Variants in AFAP1 observed in about 807,000 individuals in gnomAD.
AFAP1 encodes the protein actin filament associated protein 1.
A neutral mutation model predicts 93.9 loss-of-function variants in AFAP1; 75 were observed. That is an observed-to-expected ratio of 0.80 (90% CI 0.66 to 0.97). AFAP1 has a LOEUF of 0.97. Ranked by LOEUF, AFAP1 falls within the 50% of genes least tolerant of loss-of-function variation. The pLI is 0.00. For synonymous variants in AFAP1, 517 were observed against 430.7 expected, an observed-to-expected ratio of 1.20 and a Z score of -2.48; for missense variants, 1,201 against 1,050.8, an observed-to-expected ratio of 1.14 and a Z score of -1.98.
intron 1 of AFAP1, among the ~76,000 whole-genome samples, chr4:7,903,524 C>A (rs1719230773): frequency 6.6e-6 from 1 of 152,062 alleles, no homozygotes; most frequent in Non-Finnish European, 1.5e-5. Context: ...ACTAAAAATA[C>A]AAAAATTAGC....
In AFAP1 at chr4:7,873,240, C is replaced by G. The variant is rs575985131; in HGVS notation, c.-2-1160G>C. Among the ~76,000 whole-genome samples, 380 of 56,216 alleles carry G rather than the reference C, an allele frequency of 6.8e-3. 6 individuals are homozygous for G. The highest frequency in any genetic ancestry group is 0.021 in the African/African-American group (356 of 16,602). 36.9% of individuals were successfully genotyped at this position (56,216 alleles called of 152,430 possible). A position where few individuals can be genotyped will look rare whatever the true frequency, so the allele number is the denominator to read the frequency against. ...CCTGGGCGACAGTGGGAGACTCTGT[C>G]TCAAAAAAAAAAAAAAAAAAACCCC... On this transcript the variant is annotated intron_variant, in intron 1 of 17. Coordinates refer to ENST00000420658, the MANE Select transcript of AFAP1 (RefSeq NM_001134647.2).
intron 14 of AFAP1, 189 bp from the exon 15 acceptor site, chr4:7,775,092 G>T: frequency 1.6e-6 from 1 of 638,064 alleles, no homozygotes; most frequent in Non-Finnish European, 2.6e-6. Context: ...AGTGAGCTGT[G>T]ATCCTGCCAC....
chr4:7,841,630 A>G (rs1201069847), intron 5 of AFAP1, among the ~76,000 whole-genome samples: 1 of 152,166 alleles, frequency 6.6e-6, no homozygotes, highest in Non-Finnish European at 1.5e-5. Flanking sequence ...ATCACTGTTC[A>G]TTATTTTTTA....
intron 6 of AFAP1, among the ~76,000 whole-genome samples, chr4:7,827,900 G>C (rs1721573341): frequency 1.3e-5 from 2 of 152,138 alleles, no homozygotes; most frequent in South Asian, 4.1e-4. Flanking sequence ...TCCGAGAGTT[G>C]ACTTCCAGAA....
At chr4:7,938,594 C>G (rs1257616522) in intron 1 of AFAP1, among the ~76,000 whole-genome samples, 1 of 152,174 alleles carries the variant, frequency 6.6e-6, no homozygotes, top group African/African-American at 2.4e-5. Flanking sequence ...AATCTGACCT[C>G]TAACTGTAAC....
At chr4:7,773,864 G>C (rs1024836339) in intron 15 of AFAP1, 3 of 152,432 alleles carry the variant, frequency 2.0e-5, no homozygotes, top group African/African-American at 7.2e-5. Flanking sequence ...AGATCATTGA[G>C]GCACAAAGTC....
intron 1 of AFAP1, among the ~76,000 whole-genome samples, chr4:7,891,414 G>T (rs950530933): frequency 6.6e-6 from 1 of 152,142 alleles, no homozygotes; most frequent in African/African-American, 2.4e-5. Context: ...ACTGGTCAAG[G>T]TCACGTAAAA....
chr4:7,871,311 G>A (rs972257825), intron 2 of AFAP1, among the ~76,000 whole-genome samples: 3 of 152,202 alleles, frequency 2.0e-5, no homozygotes, highest in Non-Finnish European at 4.4e-5. Flanking sequence ...GGACAAGGGT[G>A]GTTCACTGTG....
chr4:7,778,914 A>C, intron 13 of AFAP1, 38 bp from the exon 14 acceptor site: 10 of 1,390,208 alleles, frequency 7.2e-6, no homozygotes, highest in Non-Finnish European at 9.9e-6. Context: ...AAAAATAAAC[A>C]CAAAGTCAAA....
At chr4:7,912,858 T>G (rs1291937449) in intron 1 of AFAP1, among the ~76,000 whole-genome samples, 2 of 152,108 alleles carry the variant, frequency 1.3e-5, no homozygotes, top group Non-Finnish European at 2.9e-5. Context: ...GACAGCAATT[T>G]TTTTTAAGAG....
intron 11 of AFAP1, among the ~76,000 whole-genome samples, chr4:7,790,411 A>G (rs558149543): frequency 1.2e-4 from 19 of 152,334 alleles, no homozygotes; most frequent in Admixed American, 9.1e-4. Context: ...CATTTGATTT[A>G]GATTAATACT....
At chr4:7,853,511 C>T (rs1423837660) in intron 4 of AFAP1, among the ~76,000 whole-genome samples, 1 of 152,138 alleles carries the variant, frequency 6.6e-6, no homozygotes, top group Admixed American at 6.5e-5. Context: ...TGTCCCTCCT[C>T]TTCCCCAGTC....
At chr4:7,845,750 CT>C in intron 4 of AFAP1, among the ~76,000 whole-genome samples, 1 of 152,294 alleles carries the variant, frequency 6.6e-6, no homozygotes, top group East Asian at 1.9e-4. Context: ...CAAGCACCCC[CT>C]GCTTCACAGG....
At position 7,831,742 on chromosome 4, in the gene AFAP1, T is replaced by C. The variant is rs557343841; in HGVS notation, c.726+6782A>G. Among the ~76,000 whole-genome samples the C allele has an allele frequency of 2.6e-5, 4 of 152,264 alleles. No homozygotes were observed. In the South Asian group the frequency reaches 8.3e-4, roughly 32 times the overall value. On this transcript the variant is annotated intron_variant, in intron 6 of 17. Coordinates refer to ENST00000420658, the MANE Select transcript of AFAP1 (RefSeq NM_001134647.2). ...AAGCTGAAATTTCAGAGCGGCCTTTTTTGGGTTTCCACTGAGGAAGAGCTA... is the reference window on the plus strand; with the variant it reads ...AAGCTGAAATTTCAGAGCGGCCTTTCTTGGGTTTCCACTGAGGAAGAGCTA...
chr4:7,903,063 C>A (rs1302601586), intron 1 of AFAP1, among the ~76,000 whole-genome samples: 1 of 152,224 alleles, frequency 6.6e-6, no homozygotes, highest in Non-Finnish European at 1.5e-5. Flanking sequence ...GATGGGCTAT[C>A]CCACAACAAT....
rs1391454140 is a variant in AFAP1, at chr4:7,939,615, C to G, written c.-3+41G>C. The G allele has an allele frequency of 7.3e-6, 3 of 412,698 alleles. No homozygotes were observed. The highest frequency in any genetic ancestry group is 1.7e-5 in the South Asian group (1 of 60,172). 25.6% of individuals were successfully genotyped at this position (412,698 alleles called of 1,614,324 possible). ...CTTCCACGCCCGGGGCAGAGACCCC[C>G]GCCGGGTCCGGAGACCCTGCCGCCA... On this transcript the variant is annotated intron_variant, in intron 1 of 17. Coordinates refer to ENST00000420658, the MANE Select transcript of AFAP1 (RefSeq NM_001134647.2). The surrounding 1 kb of genome is among the most constrained non-coding windows in gnomAD (Gnocchi z 5.6).
chr4:7,779,077 G>C, intron 13 of AFAP1: 1 of 571,262 alleles, frequency 1.8e-6, no homozygotes, highest in Non-Finnish European at 3.1e-6. Context: ...GGCTAAGGAG[G>C]GTACGGCAGA....
intron 14 of AFAP1, chr4:7,778,451 C>T: frequency 2.2e-6 from 1 of 444,930 alleles, no homozygotes; most frequent in Non-Finnish European, 4.1e-6. Flanking sequence ...GCTGAGGTCT[C>T]CTGACCTGGA....
chr4:7,939,283 C>A lies in AFAP1; in HGVS notation c.-3+373G>T. On this transcript the variant is annotated intron_variant, in intron 1 of 17. Transcript: ENST00000420658. This position sits in a 1 kb window ranked among gnomAD's most constrained non-coding sequence, Gnocchi z 5.6. ...TCGCTACGGGGGAGGGCGGCGGAGC[C>A]TCCCACTCTTGGTGACCCGGACCCC... 3.2e-6 allele frequency: 1 copy of A among 312,316 alleles called. No individual in the cohort carries two copies. Among genetic ancestry groups the A allele is most frequent in the South Asian group, 2.4e-5 (1 of 41,900 alleles). 19.3% of individuals were successfully genotyped at this position (312,316 alleles called of 1,614,324 possible). A position where few individuals can be genotyped will look rare whatever the true frequency, so the allele number is the denominator to read the frequency against.
Sources: allele counts gnomAD v4.1 joint callset (sites outside exome capture counted in the v4.1 genomes callset), GRCh38; gene constraint gnomAD v4.1.1; non-coding constraint Gnocchi (gnomAD v3.1); transcripts MANE v1.5; gene names NCBI Gene and HGNC (gene_info 2026-07-23, HGNC 2026-07-21).